The following GMPR2 variants were observed in gnomAD, a reference collection of about 807,000 sequenced individuals.
GMPR2 encodes the protein GMP reductase 2.
In GMPR2, 32 loss-of-function variants were observed where a neutral mutation model predicts 38.5. That is an observed-to-expected ratio of 0.83 (90% CI 0.63 to 1.12). The LOEUF (loss-of-function observed/expected upper bound fraction) is 1.12, where lower values mean the gene tolerates loss of function less well. Among genes scored for constraint, GMPR2 ranks in the 50% most tolerant of loss-of-function variants. GMPR2 has a pLI of 0.00. For missense variants in GMPR2, 396 were observed against 432.1 expected (o/e 0.92, Z 0.74); for synonymous variants, 154 against 151.0 (o/e 1.02, Z -0.15).
chr14:24,232,858 C>T (rs1335438528), upstream of GMPR2: 7 of 318,762 alleles, frequency 2.2e-5, no homozygotes, highest in African/African-American at 6.4e-5. Flanking sequence ...GTGAGTACCT[C>T]TATTCCGGAA....
Position 24,233,261 on chromosome 14 carries a change from A to G in GMPR2, c.8A>G (p.His3Arg). ...ACCCCGAGGCTAAGCGCCATGCCTC[A>G]TATTGACAACGATGTGAAACTGGAC... MP[H>R]IDNDVKLDFK... Residue 3 changes from histidine to arginine, a missense_variant, in exon 2 of 10, where the codon CAT becomes CGT. His to Arg is a conservative substitution (Grantham distance 29). Coordinates refer to ENST00000399440, the MANE Select transcript of GMPR2 (RefSeq NM_001002002.3). The G allele has an allele frequency of 2.5e-6, 4 of 1,614,134 alleles. No homozygotes were observed. The highest frequency in any genetic ancestry group is 8.5e-7 in the Non-Finnish European group (1 of 1,180,002).
At chr14:24,237,850 G>A in intron 8 of GMPR2, 1 of 510,122 alleles carries the variant, frequency 2.0e-6, no homozygotes. Flanking sequence ...CAGCACATCT[G>A]CATTTTTCAT....
In GMPR2 at chr14:24,237,326, A is replaced by G; in HGVS notation, c.629A>G (p.His210Arg). 2 of 1,608,786 alleles carry G rather than the reference A, an allele frequency of 1.2e-6. No individual in the cohort carries two copies. Among genetic ancestry groups the G allele is most frequent in the Non-Finnish European group, 1.7e-6 (2 of 1,175,070 alleles). Reference sequence around the variant, plus strand: ...GTGATGGAGTGTGCAGATGCTGCTCATGGCCTCAAAGGCCACATCATTTCA... The same window carrying G: ...GTGATGGAGTGTGCAGATGCTGCTCGTGGCCTCAAAGGCCACATCATTTCA... ...SAVMECADAAHGLKGHIISDG... is the reference protein window; with the variant it reads ...SAVMECADAARGLKGHIISDG... The change falls in exon 7 of 10, where the codon CAT (histidine) becomes CGT (arginine). Residue 210 changes from histidine (H) to arginine (R), a missense_variant. His to Arg is a conservative substitution (Grantham distance 29). Coordinates refer to ENST00000399440, the MANE Select transcript of GMPR2 (RefSeq NM_001002002.3).
intron 8 of GMPR2, 52 bp from the exon 9 acceptor site, chr14:24,238,194 T>C (rs1594539250): frequency 6.6e-7 from 1 of 1,509,692 alleles, no homozygotes; most frequent in Non-Finnish European, 9.0e-7. Context: ...AGGGTGGCCA[T>C]GTGAGCACCT....
In GMPR2 at chr14:24,235,755, G is replaced by T; in HGVS notation, c.226G>T (p.Val76Phe). 1 of 1,612,862 alleles carries T rather than the reference G, an allele frequency of 6.2e-7. No individual in the cohort carries two copies. The highest frequency in any genetic ancestry group is 1.1e-5 in the South Asian group (1 of 91,058). The change falls in exon 4 of 10, where the codon GTC (valine) becomes TTC (phenylalanine). Residue 76 changes from valine (V) to phenylalanine (F), a missense_variant. Val to Phe is a conservative substitution (Grantham distance 50). Coordinates refer to ENST00000399440, the MANE Select transcript of GMPR2 (RefSeq NM_001002002.3). ...VLCKFSLFTA[V>F]HKHYSLVQWQ... ...TCCCCAGTTCTCTCTCTTCACTGCTGTCCATAAGCACTATAGCCTCGTTCA... is the reference window on the plus strand; with the variant it reads ...TCCCCAGTTCTCTCTCTTCACTGCTTTCCATAAGCACTATAGCCTCGTTCA...
At chr14:24,238,006 A>G (rs1412213350) in intron 8 of GMPR2, 3 of 495,300 alleles carry the variant, frequency 6.1e-6, no homozygotes, top group Non-Finnish European at 3.5e-6. Context: ...GGAGAAAGCA[A>G]AAGCCAGGCA....
In GMPR2 at chr14:24,238,585, T is replaced by C. The variant is rs373053330; in HGVS notation, c.858-4T>C. 1 of 1,614,024 alleles carries C rather than the reference T, an allele frequency of 6.2e-7. No individual in the cohort carries two copies. Among genetic ancestry groups the C allele is most frequent in the East Asian group, 2.2e-5 (1 of 44,884 alleles). On this transcript the variant is annotated splice_region_variant and splice_polypyrimidine_tract_variant and intron_variant, in intron 9 of 9. Transcript: ENST00000399440. The stretch of plus-strand genomic sequence containing the variant: ...GAAGATAATAAAGTTTTTCCTACTT[T>C]AAGAGCCTCAGAGGGAAAGACAGTG...
chr14:24,235,219 A>G (rs563398413), intron 3 of GMPR2, among the ~76,000 whole-genome samples: 2 of 152,376 alleles, frequency 1.3e-5, no homozygotes, highest in African/African-American at 4.8e-5. Context: ...AGATGGAGAC[A>G]GGGTAGGGTA....
chr14:24,237,091 A>C lies in GMPR2; in HGVS notation c.486A>C (p.Gly162=). ...HTIMAGNVVT[G]EMVEELILSG... The stretch of plus-strand genomic sequence containing the variant: ...CTCAGGCAGGGAATGTGGTAACAGG[A>C]GAGATGGTAGAAGAGCTCATCCTTT... The change falls in exon 6 of 10, where the codon GGA becomes GGC. Residue 162 remains glycine (G), a synonymous_variant. Coordinates refer to ENST00000399440, the MANE Select transcript of GMPR2 (RefSeq NM_001002002.3). 3.7e-6 allele frequency: 6 copies of C among 1,613,144 alleles called. No individual in the cohort carries two copies. The highest frequency in any genetic ancestry group is 5.1e-6 in the Non-Finnish European group (6 of 1,179,104).
Position 24,233,334 on chromosome 14 carries a change from A to G in GMPR2, c.81A>G (p.Arg27=). The change falls in exon 2 of 10, where the codon CGA becomes CGG. Residue 27 remains arginine (R), a synonymous_variant. Transcript: ENST00000399440. ...LRPKRSTLKS[R]SEVDLTRSFS... ...CCAAACGCAGTACCCTTAAGTCTCG[A>G]AGTGAGGTGAGCAAGCTTCTCTACT... 2 of 1,614,010 alleles carry G rather than the reference A, an allele frequency of 1.2e-6. No individual in the cohort carries two copies. Among genetic ancestry groups the G allele is most frequent in the Non-Finnish European group, 1.7e-6 (2 of 1,179,972 alleles).
chr14:24,238,691 A>G lies in GMPR2; in HGVS notation c.960A>G (p.Gly320=), dbSNP rs1464701755. 10 of 1,613,816 alleles carry G rather than the reference A, an allele frequency of 6.2e-6. No individual in the cohort carries two copies. Among genetic ancestry groups the G allele is most frequent in the Non-Finnish European group, 8.5e-6 (10 of 1,179,910 alleles). Residue 320 remains glycine (G), a synonymous_variant, in exon 10 of 10, where the codon GGA becomes GGG. Transcript: ENST00000399440. ...TCCGCTCTACGTGTACCTATGTGGG[A>G]GCAGCTAAGCTCAAAGAGTTGAGCA... ...GGIRSTCTYV[G]AAKLKELSRR...
chr14:24,234,747 C>T (rs2040254831), intron 3 of GMPR2, among the ~76,000 whole-genome samples: 1 of 152,182 alleles, frequency 6.6e-6, no homozygotes, highest in Non-Finnish European at 1.5e-5. Flanking sequence ...CTCATCATGC[C>T]ACACTCTGCC....
rs752636750 is a variant in GMPR2, at chr14:24,237,280, G to A, written c.583G>A (p.Gly195Arg). 5.6e-6 allele frequency: 9 copies of A among 1,612,104 alleles called. No homozygotes were observed. The highest frequency in any genetic ancestry group is 3.3e-5 in the Admixed American group (2 of 60,024). ...TACTACTCGGAAGAAAACTGGAGTGGGGTATCCACAGCTCAGCGCAGTGAT... is the reference window on the plus strand; with the variant it reads ...TACTACTCGGAAGAAAACTGGAGTGAGGTATCCACAGCTCAGCGCAGTGAT... ...VCTTRKKTGVGYPQLSAVMEC... is the reference protein window; with the variant it reads ...VCTTRKKTGVRYPQLSAVMEC... The change falls in exon 7 of 10, where the codon GGG (glycine) becomes AGG (arginine). Residue 195 changes from glycine to arginine, a missense_variant. Coordinates refer to ENST00000399440, the MANE Select transcript of GMPR2 (RefSeq NM_001002002.3).
intron 3 of GMPR2, chr14:24,234,301 C>A: frequency 5.2e-6 from 6 of 1,145,164 alleles, no homozygotes; most frequent in Non-Finnish European, 6.9e-6. Flanking sequence ...TCCATGTAGC[C>A]CTGGTTGATG....
At chr14:24,233,178 G>A (rs2040140806) in intron 1 of GMPR2, 41 bp from the exon 2 acceptor site, 3 of 1,612,178 alleles carry the variant, frequency 1.9e-6, no homozygotes, top group East Asian at 2.2e-5. Flanking sequence ...GGGCGTTAAA[G>A]CCCAGGGGAA....
upstream of GMPR2, chr14:24,232,913 G>T (rs1476613395): frequency 7.1e-6 from 3 of 421,878 alleles, no homozygotes; most frequent in African/African-American, 6.0e-5. Flanking sequence ...ACATTCCTTC[G>T]TTCCCCTAAA....
rs1212758738 is a variant in GMPR2 at position 24,233,269 on chromosome 14, A to C, written c.16A>C (p.Asn6His). The C allele has an allele frequency of 1.9e-6, 3 of 1,613,946 alleles. No homozygotes were observed. The highest frequency in any genetic ancestry group is 2.5e-6 in the Non-Finnish European group (3 of 1,180,012). The change falls in exon 2 of 10, where the codon AAC becomes CAC. Residue 6 changes from asparagine to histidine, a missense_variant. Coordinates refer to ENST00000399440, the MANE Select transcript of GMPR2 (RefSeq NM_001002002.3). ...GCTAAGCGCCATGCCTCATATTGAC[A>C]ACGATGTGAAACTGGACTTCAAGGA... MPHID[N>H]DVKLDFKDVL...
intron 3 of GMPR2, chr14:24,234,065 A>C: frequency 7.8e-7 from 1 of 1,273,974 alleles, no homozygotes; most frequent in Non-Finnish European, 1.0e-6. Flanking sequence ...TTAATAAAAG[A>C]ATACTTCTGC....
In GMPR2 at chr14:24,237,066, C is replaced by A; in HGVS notation, c.466-5C>A. On this transcript the variant is annotated splice_region_variant and splice_polypyrimidine_tract_variant and intron_variant, in intron 5 of 9. Transcript: ENST00000399440. ...GGATGCTGTATTTCAATTGCTCTGT[C>A]TCAGGCAGGGAATGTGGTAACAGGA... The A allele has an allele frequency of 6.2e-7, 1 of 1,608,730 alleles. No individual in the cohort carries two copies.
Sources: allele counts gnomAD v4.1 joint callset (sites outside exome capture counted in the v4.1 genomes callset), GRCh38; gene constraint gnomAD v4.1.1; transcripts MANE v1.5; gene names NCBI Gene and HGNC (gene_info 2026-07-23, HGNC 2026-07-21).